PPP1R16B: variants seen among roughly 807,000 people sequenced by gnomAD.
The protein encoded by PPP1R16B is protein phosphatase 1 regulatory inhibitor subunit 16B.
A neutral mutation model predicts 61.7 loss-of-function variants in PPP1R16B; 14 were observed. The ratio of observed to expected loss-of-function variants is 0.23; its 90% CI spans 0.15 to 0.35. The LOEUF is 0.35. Ranked by LOEUF, PPP1R16B falls within the 10% of genes least tolerant of loss-of-function variation. The probability of loss-of-function intolerance (pLI) is 1.00; values close to 1 mark genes in which losing one functional copy is unlikely to be tolerated. For missense variants in PPP1R16B, 547 were observed against 752.5 expected, an observed-to-expected ratio of 0.73 and a Z score of 3.19; for synonymous variants, 266 against 305.3, an observed-to-expected ratio of 0.87 and a Z score of 1.34.
Position 38,836,018 on chromosome 20 carries a change from C to T in PPP1R16B, c.93C>T (p.Ala31=). 6.3e-7 allele frequency: 1 copy of T among 1,593,054 alleles called. No individual in the cohort carries two copies. ...TGCGGGCTGCCCAGAAGCGCCGGGC[C>T]CAGCAGCTGAAGAAATGGGCACAGT... ...ERLRAAQKRR[A]QQLKKWAQYE... is the part of the protein sequence containing the mutation. Residue 31 remains alanine, a synonymous_variant, in exon 2 of 11, where the codon GCC becomes GCT. Transcript: ENST00000299824.
intron 2 of PPP1R16B, among the ~76,000 whole-genome samples, chr20:38,884,814 G>A (rs551486461): frequency 3.2e-4 from 49 of 152,010 alleles, no homozygotes; most frequent in African/African-American, 1.1e-3. Context: ...GCTCACACCT[G>A]TAATCCCAGG....
intron 2 of PPP1R16B, among the ~76,000 whole-genome samples, chr20:38,848,008 G>C (rs780774434): frequency 3.9e-5 from 6 of 152,056 alleles, no homozygotes; most frequent in Non-Finnish European, 8.8e-5. Flanking sequence ...TCTTCCCACT[G>C]TCTGTTTTTG....
intron 1 of PPP1R16B, among the ~76,000 whole-genome samples, chr20:38,807,150 C>A: frequency 6.6e-6 from 1 of 152,302 alleles, no homozygotes; most frequent in South Asian, 2.1e-4. Context: ...CGCAGGGGTA[C>A]TTCCCTGTGT....
intron 1 of PPP1R16B, among the ~76,000 whole-genome samples, chr20:38,825,098 G>C (rs998117383): frequency 2.0e-5 from 3 of 152,256 alleles, no homozygotes; most frequent in African/African-American, 7.2e-5. Context: ...GAAATGGAGA[G>C]AGTGGTCTTA....
At chr20:38,901,951 T>A (rs2085397850) in intron 5 of PPP1R16B, among the ~76,000 whole-genome samples, 1 of 152,218 alleles carries the variant, frequency 6.6e-6, no homozygotes, top group African/African-American at 2.4e-5. Flanking sequence ...TCAATTTCGT[T>A]TAAAGCTTAG....
intron 2 of PPP1R16B, among the ~76,000 whole-genome samples, chr20:38,846,985 G>A (rs1320150175): frequency 2.0e-5 from 3 of 152,144 alleles, no homozygotes; most frequent in Non-Finnish European, 4.4e-5. Context: ...CCAGGTAACA[G>A]AGTGAGACCC....
At chr20:38,829,931 C>T (rs998416406) in intron 1 of PPP1R16B, among the ~76,000 whole-genome samples, 21 of 152,212 alleles carry the variant, frequency 1.4e-4, no homozygotes, top group Non-Finnish European at 2.2e-4. Flanking sequence ...GAGGGGCTCG[C>T]GGGGAGGGCC....
intron 5 of PPP1R16B, among the ~76,000 whole-genome samples, chr20:38,901,306 T>C (rs1449747478): frequency 2.0e-5 from 3 of 152,222 alleles, no homozygotes; most frequent in Non-Finnish European, 4.4e-5. Context: ...GTAACCGTGA[T>C]TGAATGTCTT....
At chr20:38,901,512 T>A (rs1226536257) in intron 5 of PPP1R16B, among the ~76,000 whole-genome samples, 2 of 152,160 alleles carry the variant, frequency 1.3e-5, no homozygotes, top group African/African-American at 2.4e-5. Context: ...CAGGTTCAAG[T>A]GATTCTCCTG....
rs1289948449 is a variant in PPP1R16B at position 38,918,332 on chromosome 20, A to G, written c.1370A>G (p.Tyr457Cys). The change falls in exon 11 of 11, where the codon TAT becomes TGT. Residue 457 changes from tyrosine (Y) to cysteine (C), a missense_variant. Transcript: ENST00000299824. This position sits in a 1 kb window ranked among gnomAD's most constrained non-coding sequence, Gnocchi z 5.3. ...GAGGTGCCTGACTACAGCATGGCCT[A>G]TGGCAACCCTGGCGTGGCCGACGCC... ...VHEVPDYSMA[Y>C]GNPGVADATP... 6.2e-7 allele frequency: 1 copy of G among 1,614,066 alleles called. No individual in the cohort carries two copies. The highest frequency in any genetic ancestry group is 1.3e-5 in the African/African-American group (1 of 74,938).
intron 1 of PPP1R16B, among the ~76,000 whole-genome samples, chr20:38,822,564 G>A (rs1273299215): frequency 1.5e-5 from 2 of 136,858 alleles, no homozygotes; most frequent in Admixed American, 7.6e-5. Flanking sequence ...TGGGAAGTTT[G>A]GTCCAGAAAG....
chr20:38,855,346 T>A (rs559236312), intron 2 of PPP1R16B, among the ~76,000 whole-genome samples: 2 of 151,332 alleles, frequency 1.3e-5, no homozygotes, highest in African/African-American at 4.8e-5. Flanking sequence ...TACAATCTGT[T>A]CCCTTGTTAT....
At chr20:38,846,135 T>C (rs932653520) in intron 2 of PPP1R16B, among the ~76,000 whole-genome samples, 1 of 152,206 alleles carries the variant, frequency 6.6e-6, no homozygotes, top group Non-Finnish European at 1.5e-5. Flanking sequence ...AATTGAGTTC[T>C]ATAGGACTGT....
chr20:38,869,934 T>A (rs6028174), intron 2 of PPP1R16B, among the ~76,000 whole-genome samples: 100,288 of 150,700 alleles, frequency 0.67, 33,632 homozygotes, highest in South Asian at 0.81. Flanking sequence ...TTATTTTTTT[T>A]TTTTTTTAAG....
At chr20:38,833,761 T>C (rs151123205) in intron 1 of PPP1R16B, among the ~76,000 whole-genome samples, 45 of 152,356 alleles carry the variant, frequency 3.0e-4, no homozygotes, top group Admixed American at 1.0e-3. Flanking sequence ...CTTTGGGCAT[T>C]GCCAAGCCAA....
intron 2 of PPP1R16B, among the ~76,000 whole-genome samples, chr20:38,867,409 G>A (rs1243458443): frequency 6.6e-6 from 1 of 152,192 alleles, no homozygotes; most frequent in Admixed American, 6.5e-5. Context: ...GGGATCTGGA[G>A]CGAGACCATC....
chr20:38,896,141 TTC>T (rs2085345432), intron 4 of PPP1R16B, among the ~76,000 whole-genome samples: 2 of 93,298 alleles, frequency 2.1e-5, no homozygotes, highest in Admixed American at 2.2e-4. Context: ...CCTCCCTCCT[TTC>T]CTTCTTTCTT....
intron 2 of PPP1R16B, among the ~76,000 whole-genome samples, chr20:38,889,254 A>G (rs1274065693): frequency 6.6e-6 from 1 of 152,232 alleles, no homozygotes; most frequent in Non-Finnish European, 1.5e-5. Flanking sequence ...CCAAGGTTGC[A>G]CAGCCAATGA....
chr20:38,879,339 C>T (rs1412920936), intron 2 of PPP1R16B, among the ~76,000 whole-genome samples: 1 of 151,994 alleles, frequency 6.6e-6, no homozygotes, highest in East Asian at 1.9e-4. Flanking sequence ...TCTTACAGGC[C>T]CATATCATCT....
Sources: allele counts gnomAD v4.1 joint callset (sites outside exome capture counted in the v4.1 genomes callset), GRCh38; gene constraint gnomAD v4.1.1; non-coding constraint Gnocchi (gnomAD v3.1); transcripts MANE v1.5; gene names NCBI Gene and HGNC (gene_info 2026-07-23, HGNC 2026-07-21).